The following GLCCI1 variants were observed in gnomAD, a reference collection of about 807,000 sequenced individuals.
The protein encoded by GLCCI1 is glucocorticoid-induced transcript 1 protein.
GLCCI1 carries 24 observed loss-of-function variants against 52.2 expected under a neutral mutation model. The ratio of observed to expected loss-of-function variants is 0.46; its 90% CI spans 0.33 to 0.65. The LOEUF is 0.65. GLCCI1 is among the 30% of genes least tolerant of loss of function. The pLI is 0.02. For synonymous variants in GLCCI1, 310 were observed against 276.5 expected (o/e 1.12, Z -1.20); for missense variants, 704 against 701.5 (o/e 1.00, Z -0.04).
intron 2 of GLCCI1, among the ~76,000 whole-genome samples, chr7:8,020,636 G>GCTAA (rs1320380886): frequency 1.2e-4 from 18 of 152,186 alleles, no homozygotes; most frequent in Non-Finnish European, 2.4e-4. Flanking sequence ...TGTACAAAAT[G>GCTAA]AATGTAATTC....
chr7:8,055,488 G>T lies in GLCCI1; in HGVS notation c.752G>T (p.Ser251Ile), dbSNP rs763378234. Residue 251 changes from serine (S) to isoleucine (I), a missense_variant, in exon 4 of 8, where the codon AGT becomes ATT. Coordinates refer to ENST00000223145, the MANE Select transcript of GLCCI1 (RefSeq NM_138426.4). ...LQRSKQSSRH[S>I]KEKDRQSPLH... is the part of the protein sequence containing the mutation. ...CGCAGTAAACAGAGTAGTCGTCACA[G>T]TAAGGAGAAAGATCGCCAGTCACCT... 1.2e-6 allele frequency: 2 copies of T among 1,614,034 alleles called. No individual in the cohort carries two copies. Among genetic ancestry groups the T allele is most frequent in the Non-Finnish European group, 1.7e-6 (2 of 1,179,952 alleles).
In GLCCI1 at chr7:7,969,698, C is replaced by G; in HGVS notation, c.348C>G (p.Ala116=). 8.0e-7 allele frequency: 1 copy of G among 1,250,786 alleles called. No individual in the cohort carries two copies. Among genetic ancestry groups the G allele is most frequent in the Non-Finnish European group, 1.0e-6 (1 of 990,698 alleles). 77.5% of individuals were successfully genotyped at this position (1,250,786 alleles called of 1,614,324 possible). Residue 116 remains alanine, a synonymous_variant, in exon 1 of 8, where the codon GCC becomes GCG. Coordinates refer to ENST00000223145, the MANE Select transcript of GLCCI1 (RefSeq NM_138426.4). This position sits in a 1 kb window ranked among gnomAD's most constrained non-coding sequence, Gnocchi z 4.9. ...PSSPTPPAAA[A]PAEQAPRAKG... Reference sequence around the variant, plus strand: ...GCCCGACGCCGCCGGCGGCCGCAGCCCCGGCCGAGCAGGCGCCGCGGGCCA... The same window carrying G: ...GCCCGACGCCGCCGGCGGCCGCAGCGCCGGCCGAGCAGGCGCCGCGGGCCA...
At chr7:8,055,760 C>T (rs1335487079) in intron 4 of GLCCI1, 4 of 346,984 alleles carry the variant, frequency 1.2e-5, no homozygotes, top group South Asian at 2.9e-5. Context: ...GAGGCCGAGG[C>T]GGGCGGATCA....
intron 1 of GLCCI1, among the ~76,000 whole-genome samples, chr7:7,984,692 C>A (rs1382217664): frequency 6.6e-6 from 1 of 152,192 alleles, no homozygotes; most frequent in Non-Finnish European, 1.5e-5. Context: ...AACATATTAA[C>A]TGAATAGTGT....
At chr7:7,993,183 A>G (rs903427242) in intron 1 of GLCCI1, among the ~76,000 whole-genome samples, 1 of 152,058 alleles carries the variant, frequency 6.6e-6, no homozygotes, top group Non-Finnish European at 1.5e-5. Flanking sequence ...TTTTTTAAGT[A>G]AAATGATTTT....
intron 6 of GLCCI1, among the ~76,000 whole-genome samples, chr7:8,073,810 A>G (rs1782817960): frequency 6.6e-6 from 1 of 152,186 alleles, no homozygotes; most frequent in African/African-American, 2.4e-5. Context: ...CAGTTTGAGA[A>G]TTAAAGCCCC....
intron 5 of GLCCI1, among the ~76,000 whole-genome samples, chr7:8,063,501 G>A (rs1000759874): frequency 6.6e-6 from 1 of 151,574 alleles, no homozygotes; most frequent in African/African-American, 2.4e-5. Context: ...ATCTCATTGT[G>A]GTTTTGACTT....
chr7:8,077,174 G>A (rs1361460393), intron 6 of GLCCI1, among the ~76,000 whole-genome samples: 2 of 151,746 alleles, frequency 1.3e-5, no homozygotes, highest in African/African-American at 4.9e-5. Flanking sequence ...TAGTAACTGG[G>A]TGGAAAATAA....
At chr7:8,085,047 T>C in intron 7 of GLCCI1, 30 bp downstream of exon 7, 1 of 1,612,468 alleles carries the variant, frequency 6.2e-7, no homozygotes, top group Non-Finnish European at 8.5e-7. Context: ...TCAGCTGGGA[T>C]CTGCAAAGCT....
intron 1 of GLCCI1, among the ~76,000 whole-genome samples, chr7:7,992,378 TAATTCCTTTCCAGGC>T (rs1780859911): frequency 6.6e-6 from 1 of 152,036 alleles, no homozygotes; most frequent in South Asian, 2.1e-4. Flanking sequence ...GTTCTTATGT[TAATTCCTTTCCAGGC>T]TTTTGATTGA....
intron 1 of GLCCI1, among the ~76,000 whole-genome samples, chr7:7,979,961 T>C (rs921292646): frequency 1.5e-4 from 23 of 152,194 alleles, no homozygotes; most frequent in African/African-American, 5.5e-4. Flanking sequence ...TTTCTGGCAG[T>C]GTCTCGCTGT....
At chr7:8,026,802 G>C (rs1207075182) in intron 3 of GLCCI1, among the ~76,000 whole-genome samples, 2 of 152,244 alleles carry the variant, frequency 1.3e-5, no homozygotes, top group African/African-American at 2.4e-5. Flanking sequence ...TTTAAAGAGA[G>C]AGACAGACAA....
intron 2 of GLCCI1, among the ~76,000 whole-genome samples, chr7:8,011,281 T>G (rs1781257530): frequency 1.3e-5 from 2 of 152,216 alleles, no homozygotes; most frequent in African/African-American, 4.8e-5. Context: ...AAACTCTGTG[T>G]TTATTAAATA....
At chr7:8,074,414 C>G (rs1277031805) in intron 6 of GLCCI1, among the ~76,000 whole-genome samples, 2 of 152,018 alleles carry the variant, frequency 1.3e-5, no homozygotes, top group Admixed American at 6.6e-5. Flanking sequence ...TTTAAATATA[C>G]TAATTATTTC....
At chr7:8,077,273 A>G (rs926718083) in intron 6 of GLCCI1, among the ~76,000 whole-genome samples, 1 of 152,172 alleles carries the variant, frequency 6.6e-6, no homozygotes, top group Non-Finnish European at 1.5e-5. Flanking sequence ...AGAAGTATCA[A>G]CTCATAGGGA....
At chr7:7,980,925 A>G (rs1178899931) in intron 1 of GLCCI1, 2 of 600,480 alleles carry the variant, frequency 3.3e-6, no homozygotes, top group African/African-American at 1.9e-5. Context: ...TCCCTGATCA[A>G]TCACCAGAAC....
intron 6 of GLCCI1, among the ~76,000 whole-genome samples, chr7:8,073,356 T>C (rs1335162804): frequency 1.3e-5 from 2 of 152,180 alleles, no homozygotes; most frequent in Admixed American, 6.5e-5. Context: ...TTTGTGTCAA[T>C]TATCTAATAA....
chr7:7,969,545 C>T lies in GLCCI1; in HGVS notation c.195C>T (p.Arg65=). 6 of 997,230 alleles carry T rather than the reference C, an allele frequency of 6.0e-6. No homozygotes were observed. The highest frequency in any genetic ancestry group is 7.2e-6 in the Non-Finnish European group (6 of 838,948). 61.8% of individuals were successfully genotyped at this position (997,230 alleles called of 1,614,324 possible). The change falls in exon 1 of 8, where the codon CGC becomes CGT. Residue 65 remains arginine (R), a synonymous_variant. Coordinates refer to ENST00000223145, the MANE Select transcript of GLCCI1 (RefSeq NM_138426.4). The surrounding 1 kb of genome is among the most constrained non-coding windows in gnomAD (Gnocchi z 4.9). ...AGAGRLLQPI[R]ATVPYQLLRG... ...CCGGCCGGCTGCTGCAGCCCATCCG[C>T]GCCACGGTGCCCTACCAGCTCTTGC...
intron 7 of GLCCI1, 28 bp downstream of exon 7, chr7:8,085,045 G>C (rs752326395): frequency 6.2e-7 from 1 of 1,612,720 alleles, no homozygotes; most frequent in Admixed American, 1.7e-5. Flanking sequence ...TGTCAGCTGG[G>C]ATCTGCAAAG....
Sources: allele counts gnomAD v4.1 joint callset (sites outside exome capture counted in the v4.1 genomes callset), GRCh38; gene constraint gnomAD v4.1.1; non-coding constraint Gnocchi (gnomAD v3.1); transcripts MANE v1.5; gene names NCBI Gene and HGNC (gene_info 2026-07-23, HGNC 2026-07-21).